STK32B: variants seen among roughly 807,000 people sequenced by gnomAD.
STK32B encodes the protein serine/threonine-protein kinase 32B.
In STK32B, 43 loss-of-function variants were observed where a neutral mutation model predicts 52.6. The observed-to-expected ratio is 0.82, with a 90% CI of 0.64 to 1.05. The LOEUF (loss-of-function observed/expected upper bound fraction) is 1.05. Ranked by LOEUF, STK32B falls within the 50% of genes least tolerant of loss-of-function variation. STK32B has a pLI of 0.00. For missense variants in STK32B, 621 were observed against 534.6 expected, an observed-to-expected ratio of 1.16 and a Z score of -1.59; for synonymous variants, 238 against 204.3, an observed-to-expected ratio of 1.17 and a Z score of -1.41.
chr4:5,128,783 T>A (rs1715570937), intron 1 of STK32B, among the ~76,000 whole-genome samples: 2 of 152,160 alleles, frequency 1.3e-5, no homozygotes, highest in South Asian at 4.1e-4. Flanking sequence ...GAGCTGAATC[T>A]CTCTCTGGCT....
At chr4:5,099,308 C>G (rs997092066) in intron 1 of STK32B, among the ~76,000 whole-genome samples, 1 of 152,170 alleles carries the variant, frequency 6.6e-6, no homozygotes, top group African/African-American at 2.4e-5. Flanking sequence ...TCCCCTTTCT[C>G]AGGTTCTAGG....
chr4:5,499,208 A>T lies in STK32B; in HGVS notation c.*125A>T. 3 of 1,340,686 alleles carry T rather than the reference A, an allele frequency of 2.2e-6. No individual in the cohort carries two copies. The highest frequency in any genetic ancestry group is 2.9e-6 in the Non-Finnish European group (3 of 1,017,442). The allele number at this position is 1,340,686 out of a possible 1,614,324, so 83.0% of individuals were successfully genotyped here. ...ACATCAGATGCAGAAAAAGCCCTGG[A>T]CTTGGAGCTGGGAAGCCTGGGTTCT... On this transcript the variant is annotated 3_prime_UTR_variant, in exon 12 of 12. Transcript: ENST00000282908.
At chr4:5,230,721 A>G (rs1267210762) in intron 3 of STK32B, among the ~76,000 whole-genome samples, 2 of 152,226 alleles carry the variant, frequency 1.3e-5, no homozygotes, top group Non-Finnish European at 2.9e-5. Context: ...GCCTGTGTGC[A>G]TGTACATGTG....
intron 1 of STK32B, among the ~76,000 whole-genome samples, chr4:5,102,491 T>TCCCC (rs1181225582): frequency 1.3e-5 from 1 of 79,906 alleles, no homozygotes; most frequent in East Asian, 4.5e-4. Flanking sequence ...CTTCCTTCCT[T>TCCCC]CCCTCCCTCC....
chr4:5,188,394 A>G (rs1297397923), intron 3 of STK32B, among the ~76,000 whole-genome samples: 1 of 152,182 alleles, frequency 6.6e-6, no homozygotes, highest in Non-Finnish European at 1.5e-5. Flanking sequence ...CAAGTGTTTG[A>G]AAGTCACATG....
intron 3 of STK32B, among the ~76,000 whole-genome samples, chr4:5,305,005 T>C (rs1386580918): frequency 1.3e-5 from 2 of 152,172 alleles, no homozygotes; most frequent in East Asian, 3.8e-4. Flanking sequence ...GACTTACATA[T>C]GTGAAATCAT....
At chr4:5,135,048 A>C (rs1421841433) in intron 1 of STK32B, among the ~76,000 whole-genome samples, 1 of 152,226 alleles carries the variant, frequency 6.6e-6, no homozygotes, top group Non-Finnish European at 1.5e-5. Flanking sequence ...ACCCAGTGTG[A>C]TCAATCACCA....
chr4:5,022,206 C>T, the STK32B span, among the ~76,000 whole-genome samples: 9 of 152,272 alleles, frequency 5.9e-5, 1 homozygote, highest in South Asian at 1.9e-3. Flanking sequence ...ATGACCATGC[C>T]CTTCTCTAGG....
At chr4:5,118,309 T>G (rs1714847681) in intron 1 of STK32B, among the ~76,000 whole-genome samples, 1 of 152,202 alleles carries the variant, frequency 6.6e-6, no homozygotes, top group South Asian at 2.1e-4. Flanking sequence ...TAGGAATGTA[T>G]TCATTTCTTC....
intron 1 of STK32B, among the ~76,000 whole-genome samples, chr4:5,105,644 A>G (rs1198450346): frequency 1.3e-5 from 2 of 151,914 alleles, no homozygotes; most frequent in Non-Finnish European, 2.9e-5. Flanking sequence ...GCTCACTGCA[A>G]GCTCCGCCTC....
intron 4 of STK32B, among the ~76,000 whole-genome samples, chr4:5,336,245 T>G (rs1732686348): frequency 6.6e-6 from 1 of 151,072 alleles, no homozygotes; most frequent in South Asian, 2.1e-4. Context: ...CTCAAGTGAT[T>G]TCAATGGGAA....
chr4:5,492,747 C>T (rs191594195), intron 11 of STK32B, among the ~76,000 whole-genome samples: 2 of 151,386 alleles, frequency 1.3e-5, no homozygotes, highest in South Asian at 4.2e-4. Flanking sequence ...TGAGATACGT[C>T]CCATCAATAC....
At chr4:5,423,994 G>C (rs1712861491) in intron 6 of STK32B, among the ~76,000 whole-genome samples, 1 of 152,082 alleles carries the variant, frequency 6.6e-6, no homozygotes, top group African/African-American at 2.4e-5. Context: ...TGTGCTCTCA[G>C]GGAAACCCCA....
At chr4:5,237,966 C>T (rs576884924) in intron 3 of STK32B, among the ~76,000 whole-genome samples, 2 of 152,222 alleles carry the variant, frequency 1.3e-5, no homozygotes, top group South Asian at 2.1e-4. Flanking sequence ...GCCCTTTTTG[C>T]CCCCTCTAGA....
At chr4:5,427,288 A>G (rs538777435) in intron 6 of STK32B, among the ~76,000 whole-genome samples, 7 of 152,314 alleles carry the variant, frequency 4.6e-5, no homozygotes, top group African/African-American at 1.4e-4. Flanking sequence ...CCTTGAATCA[A>G]TGTACTAATA....
intron 3 of STK32B, among the ~76,000 whole-genome samples, chr4:5,267,898 G>C (rs1727158036): frequency 6.6e-6 from 1 of 152,320 alleles, no homozygotes; most frequent in Non-Finnish European, 1.5e-5. Flanking sequence ...TGACAGCTCT[G>C]CTGCCTCTCT....
rs892783602 is a variant in STK32B, at chr4:5,386,964, C to G, written c.435-11243C>G. Among the ~76,000 whole-genome samples, 13 of 152,226 alleles carry G rather than the reference C, an allele frequency of 8.5e-5. No homozygotes were observed. Among genetic ancestry groups the G allele is most frequent in the African/African-American group, 3.1e-4 (13 of 41,466 alleles). On this transcript the variant is annotated intron_variant, in intron 4 of 11. Coordinates refer to ENST00000282908, the MANE Select transcript of STK32B (RefSeq NM_018401.3). The surrounding 1 kb of genome is among the most constrained non-coding windows in gnomAD (Gnocchi z 4.5). Reference sequence around the variant, plus strand: ...AAGCTCTCGAAGAGTCGCAGCATCTCACAGGCCCAGCCACTTGGAGCCCGC... The same window carrying G: ...AAGCTCTCGAAGAGTCGCAGCATCTGACAGGCCCAGCCACTTGGAGCCCGC...
At chr4:5,369,975 A>G (rs950732453) in intron 4 of STK32B, among the ~76,000 whole-genome samples, 4 of 151,876 alleles carry the variant, frequency 2.6e-5, no homozygotes, top group Admixed American at 1.3e-4. Context: ...TCCTGGGTTC[A>G]TGCCATTCTC....
chr4:5,300,169 T>G (rs929330243), intron 3 of STK32B, among the ~76,000 whole-genome samples: 1 of 151,958 alleles, frequency 6.6e-6, no homozygotes, highest in African/African-American at 2.4e-5. Context: ...TAAACAGAAT[T>G]TAAAAACAAA....
Sources: allele counts gnomAD v4.1 joint callset (sites outside exome capture counted in the v4.1 genomes callset), GRCh38; gene constraint gnomAD v4.1.1; non-coding constraint Gnocchi (gnomAD v3.1); transcripts MANE v1.5; gene names NCBI Gene and HGNC (gene_info 2026-07-23, HGNC 2026-07-21).